Variants in ANKS1B observed in about 807,000 individuals in gnomAD.
The protein encoded by ANKS1B is ankyrin repeat and sterile alpha motif domain containing 1B, also known as ankyrin repeat and sterile alpha motif domain-containing protein 1B.
ANKS1B carries 36 observed loss-of-function variants against 148.3 expected under a neutral mutation model. The ratio of observed to expected loss-of-function variants is 0.24; its 90% confidence interval spans 0.19 to 0.32. The LOEUF is 0.32. ANKS1B is among the 10% of genes least tolerant of loss of function. The pLI, the probability that ANKS1B is intolerant of heterozygous loss-of-function variation, is 1.00. For synonymous variants in ANKS1B, 542 were observed against 560.8 expected (o/e 0.97, Z 0.47); for missense variants, 1,157 against 1,542.6 (o/e 0.75, Z 4.19).
At chr12:99,449,293 C>T (rs750402247) in intron 10 of ANKS1B, among the ~76,000 whole-genome samples, 22 of 152,062 alleles carry the variant, frequency 1.4e-4, no homozygotes, top group East Asian at 7.7e-4. Flanking sequence ...AATCCTGTTC[C>T]GCTGTTAGTT....
chr12:99,451,606 A>G (rs1479989558), intron 10 of ANKS1B, among the ~76,000 whole-genome samples: 1 of 152,244 alleles, frequency 6.6e-6, no homozygotes, highest in Non-Finnish European at 1.5e-5. Flanking sequence ...TTCAGTTTGA[A>G]TAAAATATAA....
intron 10 of ANKS1B, among the ~76,000 whole-genome samples, chr12:99,502,083 T>C (rs1398494309): frequency 2.0e-5 from 3 of 152,162 alleles, no homozygotes; most frequent in African/African-American, 7.2e-5. Context: ...AAGAACTCAA[T>C]TAGTTTTTGA....
At chr12:99,183,548 C>T (rs747743589) in intron 14 of ANKS1B, among the ~76,000 whole-genome samples, 1 of 152,142 alleles carries the variant, frequency 6.6e-6, no homozygotes, top group Non-Finnish European at 1.5e-5. Context: ...GAGGCTGAGG[C>T]AGGAGCATCT....
intron 8 of ANKS1B, among the ~76,000 whole-genome samples, chr12:99,686,297 G>T (rs1387898978): frequency 2.6e-5 from 4 of 152,100 alleles, no homozygotes; most frequent in Non-Finnish European, 4.4e-5. Flanking sequence ...CAAGCAGCCA[G>T]GTTTCAGTCA....
intron 17 of ANKS1B, among the ~76,000 whole-genome samples, chr12:99,049,960 T>C (rs2099964892): frequency 6.6e-6 from 1 of 152,218 alleles, no homozygotes. Context: ...CTCTTTTCAC[T>C]TAACATAGAA....
At chr12:99,189,241 C>T (rs766198068) in intron 14 of ANKS1B, among the ~76,000 whole-genome samples, 3 of 152,130 alleles carry the variant, frequency 2.0e-5, no homozygotes, top group Admixed American at 6.5e-5. Flanking sequence ...CAAACGGATT[C>T]GCAGCCGAAT....
At chr12:99,675,957 C>T (rs1027450026) in intron 8 of ANKS1B, among the ~76,000 whole-genome samples, 7 of 151,874 alleles carry the variant, frequency 4.6e-5, no homozygotes, top group African/African-American at 7.3e-5. Context: ...TGGCTTTGTC[C>T]CCACTCAAAT....
rs933460660 is a variant in ANKS1B at position 99,891,008 on chromosome 12, T to C, written c.135-65619A>G. Reference sequence around the variant, plus strand: ...TTTCTGCTTTTATTGCTTTGACTTTTATGGACATTACACTTAAGTGGAATC... The same window carrying C: ...TTTCTGCTTTTATTGCTTTGACTTTCATGGACATTACACTTAAGTGGAATC... On this transcript the variant is annotated intron_variant, in intron 1 of 26. Transcript: ENST00000683438. Among the ~76,000 whole-genome samples the C allele has an allele frequency of 8.5e-5, 13 of 152,360 alleles. No individual in the cohort carries two copies. The South Asian group carries it at 2.5e-3, about 29-fold the overall frequency.
At chr12:98,783,605 G>A (rs918926911) in intron 22 of ANKS1B, among the ~76,000 whole-genome samples, 13 of 152,158 alleles carry the variant, frequency 8.5e-5, no homozygotes, top group African/African-American at 3.1e-4. Context: ...GGGTGATTGA[G>A]CTGACTCTTG....
intron 1 of ANKS1B, among the ~76,000 whole-genome samples, chr12:99,830,742 T>C (rs767230304): frequency 6.6e-6 from 1 of 152,094 alleles, no homozygotes; most frequent in Non-Finnish European, 1.5e-5. Flanking sequence ...CCCCATACCA[T>C]TTAGCAAAAT....
chr12:98,832,971 C>A (rs549914395), intron 17 of ANKS1B, among the ~76,000 whole-genome samples: 6 of 152,142 alleles, frequency 3.9e-5, no homozygotes, highest in African/African-American at 1.4e-4. Context: ...ATGGGAGTTG[C>A]AAAATTAGAG....
intron 4 of ANKS1B, among the ~76,000 whole-genome samples, chr12:99,803,135 C>G (rs1272491427): frequency 2.6e-5 from 4 of 151,882 alleles, no homozygotes; most frequent in Non-Finnish European, 5.9e-5. Context: ...TCTACTGAAA[C>G]AATTTGAGGC....
At chr12:99,541,277 C>T (rs2097123565) in intron 9 of ANKS1B, among the ~76,000 whole-genome samples, 1 of 152,064 alleles carries the variant, frequency 6.6e-6, no homozygotes, top group African/African-American at 2.4e-5. Flanking sequence ...CTTTCAAATT[C>T]ATTTTAGGAA....
At chr12:99,760,975 T>C (rs1021282775) in intron 8 of ANKS1B, among the ~76,000 whole-genome samples, 16 of 143,734 alleles carry the variant, frequency 1.1e-4, no homozygotes, top group Non-Finnish European at 2.4e-4. Context: ...AAATACACCA[T>C]ATCCCAGGGT....
chr12:99,447,603 T>C (rs1001930489), intron 10 of ANKS1B, among the ~76,000 whole-genome samples: 4 of 151,984 alleles, frequency 2.6e-5, no homozygotes, highest in African/African-American at 7.2e-5. Context: ...AATAGACAAA[T>C]GGGATTATGT....
intron 1 of ANKS1B, among the ~76,000 whole-genome samples, chr12:99,862,411 CA>C (rs1166300756): frequency 4.6e-5 from 7 of 152,088 alleles, no homozygotes; most frequent in Non-Finnish European, 1.0e-4. Flanking sequence ...TATATAATAT[CA>C]AAAAGAAAAA....
At chr12:99,970,390 G>A (rs1449304643) in intron 1 of ANKS1B, among the ~76,000 whole-genome samples, 2 of 151,988 alleles carry the variant, frequency 1.3e-5, no homozygotes, top group Admixed American at 6.6e-5. Flanking sequence ...AAACTTGTAC[G>A]CTTTATCTGA....
chr12:99,464,646 C>T (rs973458923), intron 10 of ANKS1B, among the ~76,000 whole-genome samples: 1 of 152,094 alleles, frequency 6.6e-6, no homozygotes, highest in Non-Finnish European at 1.5e-5. Context: ...GTGAAGAATG[C>T]AGAAGCCTCA....
At chr12:99,629,932 G>T (rs1056449320) in intron 9 of ANKS1B, among the ~76,000 whole-genome samples, 2 of 152,044 alleles carry the variant, frequency 1.3e-5, no homozygotes, top group African/African-American at 4.8e-5. Flanking sequence ...CTTGTAAGTT[G>T]CAAAACTAAG....
Sources: allele counts gnomAD v4.1 joint callset (sites outside exome capture counted in the v4.1 genomes callset), GRCh38; gene constraint gnomAD v4.1.1; transcripts MANE v1.5; gene names NCBI Gene and HGNC (gene_info 2026-07-23, HGNC 2026-07-21).